Variants in BBS9 observed in about 807,000 individuals in gnomAD.
BBS9 encodes Bardet-Biedl syndrome 9.
Under a neutral mutation model 117.7 loss-of-function variants are expected in BBS9, and 89 were observed. That is an observed-to-expected ratio of 0.76 (90% CI 0.64 to 0.90). The LOEUF is 0.90. Among genes scored for constraint, BBS9 ranks in the 40% least tolerant of loss-of-function variants. The pLI is 0.00. For missense variants in BBS9, 982 were observed against 1,042.2 expected, an observed-to-expected ratio of 0.94 and a Z score of 0.80; for synonymous variants, 379 against 370.9, an observed-to-expected ratio of 1.02 and a Z score of -0.25.
chr7:33,594,383 C>T (rs1215867978), intron 21 of BBS9, among the ~76,000 whole-genome samples: 1 of 152,072 alleles, frequency 6.6e-6, no homozygotes, highest in East Asian at 1.9e-4. Flanking sequence ...TGACCTTCAC[C>T]TGCCCCTCTG....
chr7:33,431,653 C>T (rs1299150976), intron 19 of BBS9, among the ~76,000 whole-genome samples: 1 of 152,154 alleles, frequency 6.6e-6, no homozygotes, highest in Non-Finnish European at 1.5e-5. Context: ...GAATTGTTAG[C>T]ACTTTGATCT....
intron 8 of BBS9, 122 bp downstream of exon 8, chr7:33,273,317 T>C (rs1295610640): frequency 9.6e-7 from 1 of 1,036,322 alleles, no homozygotes; most frequent in East Asian, 2.5e-5. Flanking sequence ...ATTGAATATG[T>C]AATGGAAATT....
chr7:33,632,379 T>C (rs1865932146), intron 21 of BBS9, among the ~76,000 whole-genome samples: 1 of 152,188 alleles, frequency 6.6e-6, no homozygotes, highest in Non-Finnish European at 1.5e-5. Flanking sequence ...TGGAAAGGCT[T>C]TGTTTGCCAT....
chr7:33,225,834 T>G (rs148517656), intron 5 of BBS9, among the ~76,000 whole-genome samples: 269 of 152,252 alleles, frequency 1.8e-3, no homozygotes, highest in African/African-American at 6.2e-3. Flanking sequence ...TACTTAGTAT[T>G]TAAAGGTAAA....
At chr7:33,268,433 C>A (rs1008931236) in intron 7 of BBS9, among the ~76,000 whole-genome samples, 12 of 152,204 alleles carry the variant, frequency 7.9e-5, no homozygotes, top group African/African-American at 2.9e-4. Flanking sequence ...TTCTTCCCTG[C>A]ACTATGGCCT....
chr7:33,186,335 C>G (rs1783124717), intron 5 of BBS9, among the ~76,000 whole-genome samples: 1 of 152,112 alleles, frequency 6.6e-6, no homozygotes, highest in Non-Finnish European at 1.5e-5. Flanking sequence ...AGAGCTTTTA[C>G]AGGTTGAAAA....
At position 33,442,825 on chromosome 7, in the gene BBS9, A is replaced by G. The variant is rs144925692; in HGVS notation, c.2115+54681A>G. Among the ~76,000 whole-genome samples, 704 of 152,284 alleles carry G rather than the reference A, an allele frequency of 4.6e-3. 4 individuals carry two copies. Among genetic ancestry groups the G allele is most frequent in the Non-Finnish European group, 5.0e-3 (343 of 68,022 alleles). ...CTTTAGTTAACCCAGGTCTGCTTAT[A>G]GTTATAAGCAGCCATTACCTGCATT... On this transcript the variant is annotated intron_variant, in intron 19 of 22. Coordinates refer to ENST00000242067, the MANE Select transcript of BBS9 (RefSeq NM_198428.3).
At chr7:33,408,121 C>T (rs935294609) in intron 19 of BBS9, among the ~76,000 whole-genome samples, 14 of 152,220 alleles carry the variant, frequency 9.2e-5, no homozygotes, top group Non-Finnish European at 1.9e-4. Flanking sequence ...CTTTGTTTAC[C>T]TAAGGGAGCC....
chr7:33,316,894 C>T (rs1294761202), intron 9 of BBS9, among the ~76,000 whole-genome samples: 2 of 152,124 alleles, frequency 1.3e-5, no homozygotes, highest in Admixed American at 1.3e-4. Flanking sequence ...TCTAGTTTAT[C>T]ATTTTTCCTT....
At chr7:33,365,218 A>G (rs1468787416) in intron 16 of BBS9, among the ~76,000 whole-genome samples, 1 of 151,204 alleles carries the variant, frequency 6.6e-6, no homozygotes, top group Non-Finnish European at 1.5e-5. Context: ...TTTGGTAGGG[A>G]TATGTCTTCT....
intron 20 of BBS9, among the ~76,000 whole-genome samples, chr7:33,516,014 G>C (rs1274988860): frequency 6.6e-6 from 1 of 152,190 alleles, no homozygotes; most frequent in Non-Finnish European, 1.5e-5. Context: ...TCATTGAGGA[G>C]TATTAACATT....
At chr7:33,257,494 T>C (rs1306250681) in intron 6 of BBS9, 84 bp downstream of exon 6, 7 of 1,220,382 alleles carry the variant, frequency 5.7e-6, no homozygotes, top group Admixed American at 5.1e-5. Flanking sequence ...AGAGCTTCAA[T>C]ATCACAAATG....
At chr7:33,630,663 A>G (rs12538989) in intron 21 of BBS9, among the ~76,000 whole-genome samples, 9,845 of 152,082 alleles carry the variant, frequency 0.065, 1,010 homozygotes, top group East Asian at 0.4. Flanking sequence ...GTTCAAATTC[A>G]CACCCTCAGT....
intron 21 of BBS9, chr7:33,534,470 A>G (rs1214196539): frequency 8.8e-6 from 4 of 455,140 alleles, no homozygotes; most frequent in African/African-American, 2.0e-5. Context: ...AAGATAAACT[A>G]TTTTTAAGAA....
intron 9 of BBS9, chr7:33,277,222 A>T (rs1170122052): frequency 6.5e-6 from 1 of 153,680 alleles, no homozygotes; most frequent in African/African-American, 2.4e-5. Flanking sequence ...CCATGTGAGG[A>T]TGCTCATCAT....
intron 19 of BBS9, among the ~76,000 whole-genome samples, chr7:33,405,379 C>T (rs575415436): frequency 2.4e-4 from 36 of 152,046 alleles, no homozygotes; most frequent in Middle Eastern, 6.8e-3. Flanking sequence ...AGGGAGGATT[C>T]CCTCTTTTTC....
chr7:33,406,949 T>C (rs1389396721), intron 19 of BBS9, among the ~76,000 whole-genome samples: 1 of 152,196 alleles, frequency 6.6e-6, no homozygotes, highest in Admixed American at 6.5e-5. Flanking sequence ...CTTTGTGGAA[T>C]TCTCTGTATT....
At chr7:33,482,519 A>G (rs1842635156) in intron 19 of BBS9, among the ~76,000 whole-genome samples, 1 of 152,214 alleles carries the variant, frequency 6.6e-6, no homozygotes, top group Non-Finnish European at 1.5e-5. Context: ...TTGAGACAAA[A>G]AAGGATATCC....
intron 20 of BBS9, among the ~76,000 whole-genome samples, chr7:33,507,922 G>GT (rs1255577511): frequency 6.6e-6 from 1 of 152,106 alleles, no homozygotes; most frequent in Admixed American, 6.6e-5. Flanking sequence ...TTGTCATGGC[G>GT]TTTTTTATTT....
Sources: allele counts gnomAD v4.1 joint callset (sites outside exome capture counted in the v4.1 genomes callset), GRCh38; gene constraint gnomAD v4.1.1; transcripts MANE v1.5; gene names NCBI Gene and HGNC (gene_info 2026-07-23, HGNC 2026-07-21).